The following DLG2 variants were observed in gnomAD, a reference collection of about 807,000 sequenced individuals.
DLG2 encodes the protein disks large homolog 2.
In DLG2, 45 loss-of-function variants were observed where a neutral mutation model predicts 132.5. That is an observed-to-expected ratio of 0.34 (90% CI 0.27 to 0.44). The LOEUF is 0.44. DLG2 is among the 20% of genes least tolerant of loss of function. DLG2 has a pLI of 1.00. For synonymous variants in DLG2, 424 were observed against 419.6 expected, an observed-to-expected ratio of 1.01 and a Z score of -0.13; for missense variants, 1,045 against 1,196.9, an observed-to-expected ratio of 0.87 and a Z score of 1.87.
At chr11:83,545,929 G>A (rs962447115) in intron 19 of DLG2, among the ~76,000 whole-genome samples, 3 of 152,112 alleles carry the variant, frequency 2.0e-5, no homozygotes, top group Admixed American at 1.3e-4. Context: ...TTTAACAAGC[G>A]ATAAGCTGTT....
intron 3 of DLG2, among the ~76,000 whole-genome samples, chr11:85,501,440 G>C (rs2093801071): frequency 6.6e-6 from 1 of 152,178 alleles, no homozygotes; most frequent in Non-Finnish European, 1.5e-5. Flanking sequence ...AAACTAAAGA[G>C]CTTCTGCACA....
chr11:84,248,459 C>T (rs891635743), intron 8 of DLG2, among the ~76,000 whole-genome samples: 1 of 152,144 alleles, frequency 6.6e-6, no homozygotes, highest in South Asian at 2.1e-4. Context: ...TAAGAACATA[C>T]TACCATGATA....
At chr11:85,213,113 A>G (rs570314843) in intron 4 of DLG2, among the ~76,000 whole-genome samples, 20 of 152,336 alleles carry the variant, frequency 1.3e-4, no homozygotes, top group African/African-American at 4.6e-4. Context: ...ATAAATGTAG[A>G]AACATTAGAA....
intron 4 of DLG2, among the ~76,000 whole-genome samples, chr11:85,263,521 G>C (rs1184231776): frequency 6.6e-6 from 1 of 152,192 alleles, no homozygotes; most frequent in African/African-American, 2.4e-5. Context: ...AGCAAAACCT[G>C]TTCACCCCTT....
intron 6 of DLG2, among the ~76,000 whole-genome samples, chr11:84,809,869 C>G (rs1411679276): frequency 6.6e-6 from 1 of 151,944 alleles, no homozygotes; most frequent in African/African-American, 2.4e-5. Flanking sequence ...GTAATTAAAA[C>G]TATGTGGGGT....
At chr11:85,314,027 A>G (rs1313155758) in intron 3 of DLG2, among the ~76,000 whole-genome samples, 2 of 152,020 alleles carry the variant, frequency 1.3e-5, no homozygotes, top group Non-Finnish European at 2.9e-5. Flanking sequence ...AGCTTAAGCA[A>G]TGGCCCCAAA....
intron 3 of DLG2, among the ~76,000 whole-genome samples, chr11:85,559,212 C>T (rs2077092787): frequency 6.7e-6 from 1 of 150,032 alleles, no homozygotes; most frequent in Non-Finnish European, 1.5e-5. Context: ...AGTGCAATGG[C>T]ATGATCTCGG....
At chr11:83,842,404 G>A (rs1227091287) in intron 16 of DLG2, among the ~76,000 whole-genome samples, 1 of 151,180 alleles carries the variant, frequency 6.6e-6, no homozygotes, top group Non-Finnish European at 1.5e-5. Context: ...GACCATTCTG[G>A]CCAACATGGT....
At chr11:84,223,732 T>G (rs746815683) in intron 8 of DLG2, among the ~76,000 whole-genome samples, 2 of 152,072 alleles carry the variant, frequency 1.3e-5, no homozygotes, top group Non-Finnish European at 2.9e-5. Flanking sequence ...AATTTCTGTA[T>G]TTTTAGTAGC....
Position 85,379,510 on chromosome 11 carries a change from T to C in DLG2, c.41-94145A>G, listed in dbSNP as rs142518956. Among the ~76,000 whole-genome samples the C allele has an allele frequency of 1.2e-4, 18 of 152,342 alleles. 1 individual carries two copies. Among genetic ancestry groups the C allele is most frequent in the African/African-American group, 3.1e-4 (13 of 41,586 alleles). On this transcript the variant is annotated intron_variant, in intron 3 of 27. Transcript: ENST00000376104. ...TTCACACCAGTTGCTACATTGAATA[T>C]ATTAAGACTACCCAAAACAAGTCTC...
intron 6 of DLG2, among the ~76,000 whole-genome samples, chr11:84,797,630 G>A (rs759914001): frequency 8.6e-5 from 13 of 151,996 alleles, no homozygotes; most frequent in Admixed American, 5.9e-4. Flanking sequence ...TTCCTTCTCC[G>A]TATTTTCTTG....
chr11:84,544,108 A>T (rs928990785), intron 6 of DLG2, among the ~76,000 whole-genome samples: 1 of 152,184 alleles, frequency 6.6e-6, no homozygotes, highest in African/African-American at 2.4e-5. Flanking sequence ...GCCACCCTCC[A>T]TCTGTTAACT....
intron 3 of DLG2, among the ~76,000 whole-genome samples, chr11:85,472,491 G>C (rs2093016096): frequency 6.6e-6 from 1 of 152,158 alleles, no homozygotes; most frequent in African/African-American, 2.4e-5. Context: ...GTAGAGACAG[G>C]GTTCCTCCAT....
intron 7 of DLG2, among the ~76,000 whole-genome samples, chr11:84,363,354 G>T (rs1265689373): frequency 6.6e-6 from 1 of 151,608 alleles, no homozygotes; most frequent in East Asian, 1.9e-4. Flanking sequence ...TTTTGATGGG[G>T]TTGTTGGTTT....
intron 5 of DLG2, among the ~76,000 whole-genome samples, chr11:85,128,273 C>T (rs956092778): frequency 6.6e-6 from 1 of 151,924 alleles, no homozygotes. Flanking sequence ...TGAAATTATG[C>T]CAATGTGTGA....
At chr11:84,387,012 T>A (rs1309292664) in intron 7 of DLG2, among the ~76,000 whole-genome samples, 1 of 152,108 alleles carries the variant, frequency 6.6e-6, no homozygotes, top group Non-Finnish European at 1.5e-5. Context: ...ATTCTGAACC[T>A]CTTTTATTTA....
chr11:85,504,229 T>G (rs1405017336), intron 3 of DLG2, among the ~76,000 whole-genome samples: 1 of 152,156 alleles, frequency 6.6e-6, no homozygotes, highest in Non-Finnish European at 1.5e-5. Flanking sequence ...AGATCCCATT[T>G]GTCAATTTTG....
chr11:84,335,347 C>A (rs1451842865), intron 7 of DLG2, among the ~76,000 whole-genome samples: 2 of 152,080 alleles, frequency 1.3e-5, no homozygotes, highest in Admixed American at 6.5e-5. Flanking sequence ...CCATTGCTGG[C>A]ACTGGTAACA....
chr11:84,357,797 G>T (rs2098625780), intron 7 of DLG2, among the ~76,000 whole-genome samples: 1 of 151,498 alleles, frequency 6.6e-6, no homozygotes, highest in Non-Finnish European at 1.5e-5. Context: ...TATTTTCCAA[G>T]GCAAATAAAA....
Sources: allele counts gnomAD v4.1 joint callset (sites outside exome capture counted in the v4.1 genomes callset), GRCh38; gene constraint gnomAD v4.1.1; transcripts MANE v1.5; gene names NCBI Gene and HGNC (gene_info 2026-07-23, HGNC 2026-07-21).